The following SPECC1 variants were observed in gnomAD, a reference collection of about 807,000 sequenced individuals.
The protein encoded by SPECC1 is sperm antigen with calponin homology and coiled-coil domains 1, also known as cytospin-B.
Under a neutral mutation model 104.1 loss-of-function variants are expected in SPECC1, and 62 were observed. The ratio of observed to expected loss-of-function variants is 0.60; its 90% CI spans 0.49 to 0.74. The LOEUF is 0.74. Ranked by LOEUF, SPECC1 falls within the 30% of genes least tolerant of loss-of-function variation. The pLI is 0.00. For missense variants in SPECC1, 1,306 were observed against 1,310.5 expected (o/e 1.00, Z 0.05); for synonymous variants, 513 against 501.6 (o/e 1.02, Z -0.30).
intron 3 of SPECC1, among the ~76,000 whole-genome samples, chr17:20,148,775 A>C (rs1314004728): frequency 1.3e-5 from 2 of 152,048 alleles, no homozygotes; most frequent in African/African-American, 4.8e-5. Context: ...GCTGGAGTGC[A>C]GTGGCGCGTT....
At position 20,047,199 on chromosome 17, in the gene SPECC1, T is replaced by G. The variant is rs377502397; in HGVS notation, c.-22+37775T>G. The stretch of plus-strand genomic sequence containing the variant: ...AAATGCTTGTGTTCTTTCATGTCTT[T>G]CATGGCTTTTGCAGCCTTTAAATAA... On this transcript the variant is annotated intron_variant, in intron 1 of 14. Transcript: ENST00000395527. 6.6e-5 allele frequency among the ~76,000 whole-genome samples: 10 copies of G among 152,352 alleles called. No individual in the cohort carries two copies. In the South Asian group the frequency reaches 1.0e-3, roughly 16 times the overall value.
intron 1 of SPECC1, among the ~76,000 whole-genome samples, chr17:20,059,893 A>G (rs191003915): frequency 6.6e-6 from 1 of 152,100 alleles, no homozygotes; most frequent in Non-Finnish European, 1.5e-5. Flanking sequence ...CAAAACAAAC[A>G]TGAGAAGTGC....
At chr17:20,268,980 C>T (rs563898883) in intron 12 of SPECC1, among the ~76,000 whole-genome samples, 4 of 152,298 alleles carry the variant, frequency 2.6e-5, no homozygotes, top group African/African-American at 9.6e-5. Flanking sequence ...ACTGTTCGCA[C>T]AGCAGATGGG....
chr17:20,047,594 C>T (rs758663712), intron 1 of SPECC1, among the ~76,000 whole-genome samples: 1 of 151,896 alleles, frequency 6.6e-6, no homozygotes, highest in Non-Finnish European at 1.5e-5. Context: ...ATCTTTATCT[C>T]TCGTATCTAA....
At chr17:20,020,495 G>A (rs564913384) in intron 1 of SPECC1, among the ~76,000 whole-genome samples, 1 of 152,142 alleles carries the variant, frequency 6.6e-6, no homozygotes, top group South Asian at 2.1e-4. Flanking sequence ...CACCACACCT[G>A]GGTAATTCTT....
At chr17:20,107,115 G>T (rs577722865) in intron 2 of SPECC1, among the ~76,000 whole-genome samples, 2 of 130,010 alleles carry the variant, frequency 1.5e-5, no homozygotes, top group Non-Finnish European at 3.1e-5. Flanking sequence ...CGGCACTCCA[G>T]CCTGGGCGAC....
chr17:20,127,523 G>T (rs941821099), intron 3 of SPECC1, among the ~76,000 whole-genome samples: 2 of 143,814 alleles, frequency 1.4e-5, no homozygotes, highest in Non-Finnish European at 3.0e-5. Context: ...GCTCACTGTA[G>T]CCTGGAGCTC....
rs574572565 is a variant in SPECC1, at chr17:20,317,249, C to G, written c.*3184C>G. ...GGGCAACATGGCAAGACCTCTGACT[C>G]TATAAAAAAATTTTTTTTTTTTTTT... On this transcript the variant is annotated 3_prime_UTR_variant, in exon 15 of 15. Coordinates refer to ENST00000395527, the MANE Select transcript of SPECC1 (RefSeq NM_001243439.2). 57 of 54,880 alleles carry G rather than the reference C, an allele frequency of 1.0e-3. 3 individuals are homozygous for G. The South Asian group carries it at 0.039, about 38-fold the overall frequency. The allele number at this position is 54,880 out of a possible 1,614,324, so 3.4% of individuals were successfully genotyped here.
intron 1 of SPECC1, among the ~76,000 whole-genome samples, chr17:20,046,781 C>T (rs1166497569): frequency 5.3e-5 from 8 of 151,084 alleles, no homozygotes; most frequent in Admixed American, 4.6e-4. Flanking sequence ...CAAGGAGTCG[C>T]CTTCCTGATG....
intron 1 of SPECC1, among the ~76,000 whole-genome samples, chr17:20,064,518 C>T (rs564439896): frequency 1.3e-5 from 2 of 152,262 alleles, no homozygotes; most frequent in East Asian, 1.9e-4. Context: ...AGGTACATGA[C>T]GCTAGAAGCA....
Position 20,237,211 on chromosome 17 carries a change from G to A in SPECC1, c.2351+4806G>A. The A allele has an allele frequency of 3.2e-6, 4 of 1,269,718 alleles. No homozygotes were observed. In the South Asian group the frequency reaches 7.3e-5, roughly 23 times the overall value. 78.7% of individuals were successfully genotyped at this position (1,269,718 alleles called of 1,614,324 possible). ...GTCTTATGAAAAGTTATTTGCAGCTGGAGTGCTGAAAAGGGCACAGTGGCA... is the reference window on the plus strand; with the variant it reads ...GTCTTATGAAAAGTTATTTGCAGCTAGAGTGCTGAAAAGGGCACAGTGGCA... On this transcript the variant is annotated intron_variant, in intron 7 of 14. Transcript: ENST00000395527.
intron 14 of SPECC1, among the ~76,000 whole-genome samples, chr17:20,307,291 G>A (rs1366174363): frequency 2.6e-5 from 4 of 152,170 alleles, no homozygotes; most frequent in South Asian, 2.1e-4. Context: ...TTTAGAACTG[G>A]TTCACCACTC....
chr17:20,207,149 C>G (rs1326504125), intron 4 of SPECC1, among the ~76,000 whole-genome samples: 1 of 152,090 alleles, frequency 6.6e-6, no homozygotes, highest in Non-Finnish European at 1.5e-5. Context: ...ATCTTCCTAC[C>G]TTAGTTTAGG....
chr17:20,112,613 C>T (rs1407851559), intron 3 of SPECC1: 41 of 873,300 alleles, frequency 4.7e-5, no homozygotes, highest in Non-Finnish European at 5.9e-5. Context: ...ACAAGCTGAT[C>T]TCTCTGGATC....
chr17:20,316,949 C>G lies in SPECC1; in HGVS notation c.*2884C>G, dbSNP rs1008257502. On this transcript the variant is annotated 3_prime_UTR_variant, in exon 15 of 15. Coordinates refer to ENST00000395527, the MANE Select transcript of SPECC1 (RefSeq NM_001243439.2). The stretch of plus-strand genomic sequence containing the variant: ...TTGCCAATGACTGTGGCCAAACTCC[C>G]CCATTTTTGTCTGTATCCTGCTCTC... 19 of 216,412 alleles carry G rather than the reference C, an allele frequency of 8.8e-5. No homozygotes were observed. Among genetic ancestry groups the G allele is most frequent in the African/African-American group, 4.3e-4 (19 of 44,316 alleles). The allele number at this position is 216,412 out of a possible 1,614,324, so 13.4% of individuals were successfully genotyped here. A position where few individuals can be genotyped will look rare whatever the true frequency, so the allele number is the denominator to read the frequency against.
At chr17:20,254,116 C>T (rs1005241386) in intron 10 of SPECC1, among the ~76,000 whole-genome samples, 8 of 147,516 alleles carry the variant, frequency 5.4e-5, no homozygotes, top group Non-Finnish European at 1.0e-4. Flanking sequence ...TGGTGCAGTC[C>T]TCTTCCTGTT....
At chr17:20,181,320 A>G (rs1287800147) in intron 3 of SPECC1, among the ~76,000 whole-genome samples, 1 of 152,158 alleles carries the variant, frequency 6.6e-6, no homozygotes, top group Non-Finnish European at 1.5e-5. Flanking sequence ...GAAATAGAAA[A>G]TAAAATGGTA....
chr17:20,280,291 A>C (rs2040722290), intron 12 of SPECC1, among the ~76,000 whole-genome samples: 1 of 152,194 alleles, frequency 6.6e-6, no homozygotes, highest in South Asian at 2.1e-4. Flanking sequence ...TCTAATCTTG[A>C]CCACAATCTC....
chr17:20,132,841 G>A (rs1007799614), intron 3 of SPECC1, among the ~76,000 whole-genome samples: 1 of 152,016 alleles, frequency 6.6e-6, no homozygotes, highest in Non-Finnish European at 1.5e-5. Context: ...CTGGGTTCAA[G>A]CCATTCTCCT....
Sources: allele counts gnomAD v4.1 joint callset (sites outside exome capture counted in the v4.1 genomes callset), GRCh38; gene constraint gnomAD v4.1.1; transcripts MANE v1.5; gene names NCBI Gene and HGNC (gene_info 2026-07-23, HGNC 2026-07-21).